Variants in PCDH15 observed in about 807,000 individuals in gnomAD.
PCDH15 encodes protocadherin-15.
PCDH15 carries 129 observed loss-of-function variants against 178.5 expected under a neutral mutation model. The observed-to-expected ratio is 0.72, with a 90% confidence interval of 0.63 to 0.84. The LOEUF (loss-of-function observed/expected upper bound fraction) is 0.84, where lower values mean the gene tolerates loss of function less well. Ranked by LOEUF, PCDH15 falls within the 40% of genes least tolerant of loss-of-function variation. The pLI is 0.00. For synonymous variants in PCDH15, 800 were observed against 732.0 expected (o/e 1.09, Z -1.50); for missense variants, 2,230 against 2,099.9 (o/e 1.06, Z -1.21).
intron 1 of PCDH15, among the ~76,000 whole-genome samples, chr10:55,280,269 C>CTTTT (rs1007536850): frequency 1.8e-4 from 12 of 65,990 alleles, no homozygotes; most frequent in Non-Finnish European, 2.4e-4. Context: ...TATTTTGATT[C>CTTTT]TTTTTTTTTT....
chr10:55,217,411 T>C (rs1402440964), intron 1 of PCDH15, among the ~76,000 whole-genome samples: 4 of 151,944 alleles, frequency 2.6e-5, no homozygotes, highest in Non-Finnish European at 5.9e-5. Context: ...AATTCACAAA[T>C]GCTTTAAAAA....
At chr10:55,120,976 A>G (rs945053953) in intron 2 of PCDH15, among the ~76,000 whole-genome samples, 4 of 152,198 alleles carry the variant, frequency 2.6e-5, no homozygotes, top group Non-Finnish European at 5.9e-5. Context: ...GCCCTTTCCA[A>G]TGTTTAATAG....
intron 5 of PCDH15, among the ~76,000 whole-genome samples, chr10:54,353,907 ATAACTC>A (rs1944551924): frequency 6.6e-6 from 1 of 152,136 alleles, no homozygotes; most frequent in African/African-American, 2.4e-5. Flanking sequence ...AGAATGATAA[ATAACTC>A]TATCTTTACT....
At chr10:53,811,016 C>T (rs368951179) in intron 36 of PCDH15, among the ~76,000 whole-genome samples, 1 of 152,266 alleles carries the variant, frequency 6.6e-6, no homozygotes, top group East Asian at 1.9e-4. Context: ...GCTCATTCAC[C>T]ACATTAAATC....
At chr10:54,457,467 T>C (rs1192876562) in intron 3 of PCDH15, among the ~76,000 whole-genome samples, 1 of 152,162 alleles carries the variant, frequency 6.6e-6, no homozygotes, top group Non-Finnish European at 1.5e-5. Context: ...ATTCCTATAT[T>C]GCACCATTTC....
At chr10:54,712,194 A>G (rs74136249) in intron 1 of PCDH15, among the ~76,000 whole-genome samples, 5,460 of 151,946 alleles carry the variant, frequency 0.036, 340 homozygotes, top group African/African-American at 0.13. Context: ...TCAAAAAGGG[A>G]GAGACAAAGA....
chr10:54,172,402 A>C lies in PCDH15; in HGVS notation c.1590+11042T>G, dbSNP rs374952373. On this transcript the variant is annotated intron_variant, in intron 13 of 37. Coordinates refer to ENST00000644397, the MANE Select transcript of PCDH15 (RefSeq NM_001384140.1). ...AAACGGCCCCACCCTTATCTCCCTTAGCTGACTCTCTTTTCGGACTCAGCC... is the reference window on the plus strand; with the variant it reads ...AAACGGCCCCACCCTTATCTCCCTTCGCTGACTCTCTTTTCGGACTCAGCC... Among the ~76,000 whole-genome samples the C allele has an allele frequency of 2.4e-4, 37 of 151,970 alleles. No homozygotes were observed. In the East Asian group the frequency reaches 3.1e-3, roughly 13 times the overall value.
At chr10:54,386,777 C>T (rs1271225546) in intron 3 of PCDH15, among the ~76,000 whole-genome samples, 2 of 152,100 alleles carry the variant, frequency 1.3e-5, no homozygotes, top group Non-Finnish European at 2.9e-5. Flanking sequence ...ACCTCACATT[C>T]ATTAGGATGG....
chr10:54,811,663 G>GT (rs1047393932), intron 3 of PCDH15, among the ~76,000 whole-genome samples: 4 of 152,030 alleles, frequency 2.6e-5, no homozygotes, highest in African/African-American at 9.7e-5. Context: ...TAGAGACGGG[G>GT]TTTCACCATG....
intron 27 of PCDH15, among the ~76,000 whole-genome samples, chr10:53,864,939 A>G (rs1277412809): frequency 1.3e-5 from 2 of 152,172 alleles, no homozygotes; most frequent in Non-Finnish European, 2.9e-5. Context: ...CAAAGCCGTC[A>G]TGTAACAATA....
At chr10:55,504,356 T>C (rs969342074) in intron 2 of PCDH15, among the ~76,000 whole-genome samples, 3 of 151,488 alleles carry the variant, frequency 2.0e-5, no homozygotes, top group Non-Finnish European at 4.4e-5. Flanking sequence ...TTTGAAAATA[T>C]GTTGGATATA....
At chr10:54,242,593 C>T (rs1284241633) in intron 8 of PCDH15, among the ~76,000 whole-genome samples, 1 of 152,036 alleles carries the variant, frequency 6.6e-6, no homozygotes, top group Non-Finnish European at 1.5e-5. Context: ...CTATCATTTA[C>T]ACAAGTTGAT....
chr10:54,473,390 G>A (rs546619505), intron 3 of PCDH15, among the ~76,000 whole-genome samples: 2 of 152,178 alleles, frequency 1.3e-5, no homozygotes, highest in Non-Finnish European at 2.9e-5. Context: ...AGAAATACTA[G>A]GGTAAGCAAT....
At chr10:53,822,118 C>A in intron 32 of PCDH15, 1 of 1,613,472 alleles carries the variant, frequency 6.2e-7, no homozygotes. Context: ...GTTTTACACA[C>A]TGTCGTTGTT....
intron 8 of PCDH15, among the ~76,000 whole-genome samples, chr10:54,278,599 C>T (rs2058484014): frequency 1.3e-5 from 2 of 151,294 alleles, no homozygotes; most frequent in Admixed American, 1.3e-4. Context: ...CCCAGTGACC[C>T]AACATAACTA....
At chr10:54,859,001 G>A (rs1230903770) in intron 3 of PCDH15, among the ~76,000 whole-genome samples, 1 of 152,030 alleles carries the variant, frequency 6.6e-6, no homozygotes, top group Non-Finnish European at 1.5e-5. Context: ...TATGTATCCT[G>A]TGATATTAAT....
At chr10:54,380,806 C>A (rs1949142080) in intron 3 of PCDH15, among the ~76,000 whole-genome samples, 2 of 143,320 alleles carry the variant, frequency 1.4e-5, no homozygotes, top group Admixed American at 7.0e-5. Context: ...CTTTACAAAG[C>A]AAATAGTTTA....
At chr10:54,980,999 G>C (rs1839220144) in intron 2 of PCDH15, among the ~76,000 whole-genome samples, 2 of 151,728 alleles carry the variant, frequency 1.3e-5, no homozygotes, top group Admixed American at 1.3e-4. Context: ...AGTTCATTTG[G>C]GCCACTTTGA....
intron 3 of PCDH15, among the ~76,000 whole-genome samples, chr10:54,807,027 T>G (rs887208490): frequency 6.6e-6 from 1 of 152,138 alleles, no homozygotes; most frequent in Non-Finnish European, 1.5e-5. Context: ...TATAAGCAAG[T>G]TATGATTTCC....
Sources: allele counts gnomAD v4.1 joint callset (sites outside exome capture counted in the v4.1 genomes callset), GRCh38; gene constraint gnomAD v4.1.1; transcripts MANE v1.5; gene names NCBI Gene and HGNC (gene_info 2026-07-23, HGNC 2026-07-21).